Variants in KIAA0040 observed in about 807,000 individuals in gnomAD.
KIAA0040 encodes the protein uncharacterized protein KIAA0040.
KIAA0040 carries 10 observed loss-of-function variants against 7.2 expected under a neutral mutation model. The observed-to-expected ratio is 1.38, with a 90% CI of 0.85 to 2.34. The LOEUF is 2.34. KIAA0040 is among the 30% of genes most tolerant of loss of function. KIAA0040 has a pLI of 0.00. For missense variants in KIAA0040, 89 were observed against 108.2 expected (o/e 0.82, Z 0.79); for synonymous variants, 49 against 40.1 (o/e 1.22, Z -0.84).
At chr1:175,161,848 C>G (rs1558388177) in intron 3 of KIAA0040, among the ~76,000 whole-genome samples, 1 of 152,228 alleles carries the variant, frequency 6.6e-6, no homozygotes, top group Non-Finnish European at 1.5e-5. Context: ...TGGCTTTCCA[C>G]TTTCTACCTT....
At chr1:175,171,968 T>C (rs1475891997) in intron 2 of KIAA0040, among the ~76,000 whole-genome samples, 4 of 152,214 alleles carry the variant, frequency 2.6e-5, no homozygotes, top group Non-Finnish European at 5.9e-5. Context: ...AGGGAAATAA[T>C]TAGAGAATGA....
Sources: gnomAD v4.1 joint callset for allele counts (sites outside exome capture counted in the v4.1 genomes callset) on GRCh38, gnomAD v4.1.1 for gene constraint, MANE v1.5 for transcripts, NCBI Gene and HGNC (gene_info 2026-07-23, HGNC 2026-07-21) for gene names.